RAPGEF5: variants seen among roughly 807,000 people sequenced by gnomAD.
RAPGEF5 encodes Rap guanine nucleotide exchange factor 5.
A neutral mutation model predicts 125.2 loss-of-function variants in RAPGEF5; 65 were observed. That is an observed-to-expected ratio of 0.52 (90% CI 0.43 to 0.64). The LOEUF is 0.64. Among genes scored for constraint, RAPGEF5 ranks in the 30% least tolerant of loss-of-function variants. The pLI is 0.00. For synonymous variants in RAPGEF5, 391 were observed against 385.9 expected (o/e 1.01, Z -0.16); for missense variants, 958 against 1,048.1 (o/e 0.91, Z 1.19).
chr7:22,334,839 C>A (rs943358277), intron 1 of RAPGEF5, among the ~76,000 whole-genome samples: 2 of 152,320 alleles, frequency 1.3e-5, no homozygotes, highest in Middle Eastern at 3.4e-3. Context: ...CATTTGTAAT[C>A]TCTACATTCT....
At chr7:22,170,158 G>C (rs542308617) in intron 11 of RAPGEF5, among the ~76,000 whole-genome samples, 1 of 152,264 alleles carries the variant, frequency 6.6e-6, no homozygotes, top group African/African-American at 2.4e-5. Context: ...AGGTTCAAGT[G>C]ATTCTTGTGC....
intron 11 of RAPGEF5, among the ~76,000 whole-genome samples, chr7:22,191,060 C>T (rs998133740): frequency 1.8e-4 from 28 of 152,274 alleles, no homozygotes; most frequent in Admixed American, 4.6e-4. Context: ...CTCCTGCACA[C>T]CCGGGCCTTT....
intron 3 of RAPGEF5, 80 bp downstream of exon 3, chr7:22,315,290 A>C (rs1783564291): frequency 1.4e-6 from 2 of 1,472,322 alleles, no homozygotes; most frequent in Admixed American, 2.2e-5. Context: ...CCTCTCTTTG[A>C]TCAAGGTTAC....
chr7:22,126,561 G>GT (rs796915376), intron 24 of RAPGEF5, among the ~76,000 whole-genome samples: 17 of 152,294 alleles, frequency 1.1e-4, no homozygotes, highest in African/African-American at 4.1e-4. Flanking sequence ...ATCTTAAATT[G>GT]TAACTGGAAA....
chr7:22,122,903 C>G (rs932938603), intron 25 of RAPGEF5, among the ~76,000 whole-genome samples: 29 of 152,174 alleles, frequency 1.9e-4, no homozygotes, highest in Non-Finnish European at 3.4e-4. Context: ...ACAGCAGTTA[C>G]CTGTTTAAAT....
chr7:22,183,833 C>G (rs536473449), intron 11 of RAPGEF5, among the ~76,000 whole-genome samples: 199 of 152,256 alleles, frequency 1.3e-3, no homozygotes, highest in South Asian at 0.012. Flanking sequence ...CATTTTCCTT[C>G]AAAGTATTTA....
intron 14 of RAPGEF5, among the ~76,000 whole-genome samples, chr7:22,158,766 C>T (rs1358823147): frequency 6.6e-6 from 1 of 152,028 alleles, no homozygotes; most frequent in Non-Finnish European, 1.5e-5. Flanking sequence ...GCTGGAACTA[C>T]AGGCATGTGA....
At chr7:22,152,140 G>A (rs1411939389) in intron 17 of RAPGEF5, among the ~76,000 whole-genome samples, 1 of 152,166 alleles carries the variant, frequency 6.6e-6, no homozygotes, top group East Asian at 1.9e-4. Context: ...CAAATGCAAA[G>A]TGTTGTTTTG....
chr7:22,231,408 C>T (rs1220563679), intron 7 of RAPGEF5, among the ~76,000 whole-genome samples: 1 of 152,128 alleles, frequency 6.6e-6, no homozygotes, highest in Non-Finnish European at 1.5e-5. Context: ...TATCCCTTCC[C>T]AGCATCTCCC....
chr7:22,227,072 G>A (rs1785936292), intron 8 of RAPGEF5, among the ~76,000 whole-genome samples: 2 of 151,118 alleles, frequency 1.3e-5, no homozygotes, highest in South Asian at 4.2e-4. Context: ...AAAAGTAAGG[G>A]GTTCATTCAC....
chr7:22,145,772 G>A (rs538521643), intron 19 of RAPGEF5, among the ~76,000 whole-genome samples: 3 of 152,222 alleles, frequency 2.0e-5, no homozygotes, highest in East Asian at 3.9e-4. Flanking sequence ...CCCAAGTCCC[G>A]CTGATGATGC....
intron 10 of RAPGEF5, 199 bp from the exon 11 acceptor site, chr7:22,193,654 C>T: frequency 6.4e-7 from 1 of 1,550,782 alleles, no homozygotes; most frequent in South Asian, 1.2e-5. Context: ...CAGCCGGGAG[C>T]TGCCCATTGT....
At chr7:22,193,508 G>T in intron 10 of RAPGEF5, 53 bp from the exon 11 acceptor site, 1 of 1,556,176 alleles carries the variant, frequency 6.4e-7, no homozygotes, top group South Asian at 1.2e-5. Flanking sequence ...GACTGCGAGC[G>T]GCTGCTCCAT....
rs865824749 is a variant in RAPGEF5 at position 22,337,922 on chromosome 7, A to G, written c.231+18908T>C. ...TGTCAGAAATCTCTGAGCAAATCAAAGTACCTATATGCAACCTTTGTTGCC... is the reference window on the plus strand; with the variant it reads ...TGTCAGAAATCTCTGAGCAAATCAAGGTACCTATATGCAACCTTTGTTGCC... On this transcript the variant is annotated intron_variant, in intron 1 of 25. Transcript: ENST00000665637. Among the ~76,000 whole-genome samples, 31 of 152,230 alleles carry G rather than the reference A, an allele frequency of 2.0e-4. 1 individual carries two copies. Among genetic ancestry groups the G allele is most frequent in the African/African-American group, 6.5e-4 (27 of 41,458 alleles).
chr7:22,127,525 T>C (rs1782786408), intron 24 of RAPGEF5, among the ~76,000 whole-genome samples: 1 of 152,272 alleles, frequency 6.6e-6, no homozygotes, highest in African/African-American at 2.4e-5. Context: ...TCCAAAATGC[T>C]ATGCTAGCTG....
intron 6 of RAPGEF5, among the ~76,000 whole-genome samples, chr7:22,279,570 A>T (rs1176175151): frequency 6.6e-6 from 1 of 152,190 alleles, no homozygotes; most frequent in African/African-American, 2.4e-5. Context: ...CCTCCGAAAG[A>T]TAGAGCTAGG....
At chr7:22,289,504 A>G (rs1249030973) in intron 6 of RAPGEF5, among the ~76,000 whole-genome samples, 1 of 152,256 alleles carries the variant, frequency 6.6e-6, no homozygotes, top group Non-Finnish European at 1.5e-5. Context: ...ATGTGTGTGT[A>G]CACACAAACA....
At chr7:22,198,601 T>C (rs1223230340) in intron 9 of RAPGEF5, among the ~76,000 whole-genome samples, 1 of 152,096 alleles carries the variant, frequency 6.6e-6, no homozygotes, top group Non-Finnish European at 1.5e-5. Context: ...TCCATAATGG[T>C]AGAGGTAATG....
intron 7 of RAPGEF5, among the ~76,000 whole-genome samples, chr7:22,245,363 G>A (rs1178585769): frequency 6.6e-6 from 1 of 152,060 alleles, no homozygotes; most frequent in South Asian, 2.1e-4. Context: ...TGCTTTTGGG[G>A]TCATTTCCAC....
Sources: allele counts gnomAD v4.1 joint callset (sites outside exome capture counted in the v4.1 genomes callset), GRCh38; gene constraint gnomAD v4.1.1; transcripts MANE v1.5; gene names NCBI Gene and HGNC (gene_info 2026-07-23, HGNC 2026-07-21).